IL2RA: variants seen among roughly 807,000 people sequenced by gnomAD.
The protein encoded by IL2RA is interleukin 2 receptor subunit alpha, also known as interleukin-2 receptor subunit alpha.
In IL2RA, 24 loss-of-function variants were observed where a neutral mutation model predicts 37.8. That is an observed-to-expected ratio of 0.63 (90% CI 0.46 to 0.89). The LOEUF (loss-of-function observed/expected upper bound fraction) is 0.89, where lower values mean the gene tolerates loss of function less well. Ranked by LOEUF, IL2RA falls within the 40% of genes least tolerant of loss-of-function variation. IL2RA has a pLI of 0.00. For synonymous variants in IL2RA, 125 were observed against 114.6 expected (o/e 1.09, Z -0.58); for missense variants, 319 against 348.6 (o/e 0.92, Z 0.68).
At chr10:6,049,079 A>G (rs1839908293) in intron 1 of IL2RA, among the ~76,000 whole-genome samples, 1 of 152,240 alleles carries the variant, frequency 6.6e-6, no homozygotes, top group Non-Finnish European at 1.5e-5. Context: ...GGCTCACTCA[A>G]TTATGGAGGC....
At chr10:6,043,965 G>A (rs1042244860) in intron 1 of IL2RA, among the ~76,000 whole-genome samples, 1 of 152,192 alleles carries the variant, frequency 6.6e-6, no homozygotes, top group African/African-American at 2.4e-5. Flanking sequence ...GAAGTGATTA[G>A]TTCAGGGCCT....
chr10:6,023,062 A>C (rs1839414303), intron 3 of IL2RA, among the ~76,000 whole-genome samples: 1 of 152,242 alleles, frequency 6.6e-6, no homozygotes, highest in South Asian at 2.1e-4. Flanking sequence ...AAGTTTCCTC[A>C]TCTAATCTGG....
Position 6,025,798 on chromosome 10 carries a change from T to A in IL2RA, c.256+36A>T. On this transcript the variant is annotated intron_variant, in intron 2 of 7. Coordinates refer to ENST00000379959, the MANE Select transcript of IL2RA (RefSeq NM_000417.3). The surrounding 1 kb of genome is among the most constrained non-coding windows in gnomAD (Gnocchi z 4.4). ...GCTCTGTCTCACTCTTTGCTGCAGT[T>A]CTTTTGTTCTTGGTAGTCACAGAAG... 2 of 1,602,424 alleles carry A rather than the reference T, an allele frequency of 1.2e-6. No homozygotes were observed. Among genetic ancestry groups the A allele is most frequent in the Non-Finnish European group, 1.7e-6 (2 of 1,169,546 alleles).
chr10:6,062,188 G>T lies in IL2RA; in HGVS notation c.-37C>A. 1 of 1,581,636 alleles carries T rather than the reference G, an allele frequency of 6.3e-7. No homozygotes were observed. The highest frequency in any genetic ancestry group is 8.7e-7 in the Non-Finnish European group (1 of 1,150,598). On this transcript the variant is annotated 5_prime_UTR_variant, in exon 1 of 8. Coordinates refer to ENST00000379959, the MANE Select transcript of IL2RA (RefSeq NM_000417.3). Reference sequence around the variant, plus strand: ...TTGGGACCAGCCGGGGCAGTGAAGCGGAGGTCTTTCTCTGCAGAAGGCCCA... The same window carrying T: ...TTGGGACCAGCCGGGGCAGTGAAGCTGAGGTCTTTCTCTGCAGAAGGCCCA...
intron 1 of IL2RA, among the ~76,000 whole-genome samples, chr10:6,038,463 C>A (rs1190596693): frequency 6.6e-6 from 1 of 152,184 alleles, no homozygotes; most frequent in African/African-American, 2.4e-5. Context: ...CAATGCTCAC[C>A]ATGGCTCTGG....
chr10:6,048,819 C>T lies in IL2RA; in HGVS notation c.64+13269G>A, dbSNP rs1392835023. ...CCCCTCTGGGATGTTCTGTTCCTTC[C>T]AGGACACAGTTTAAGCCCAGTGACA... On this transcript the variant is annotated intron_variant, in intron 1 of 7. Coordinates refer to ENST00000379959, the MANE Select transcript of IL2RA (RefSeq NM_000417.3). The surrounding 1 kb of genome is among the most constrained non-coding windows in gnomAD (Gnocchi z 5.3). Among the ~76,000 whole-genome samples the T allele has an allele frequency of 6.6e-6, 1 of 152,190 alleles. No homozygotes were observed. The highest frequency in any genetic ancestry group is 1.5e-5 in the Non-Finnish European group (1 of 68,026).
chr10:6,042,908 G>T (rs1839793619), intron 1 of IL2RA, among the ~76,000 whole-genome samples: 2 of 152,184 alleles, frequency 1.3e-5, no homozygotes, highest in African/African-American at 4.8e-5. Context: ...TTCATAAATT[G>T]CTGATGAGGA....
At chr10:6,037,099 A>C (rs1839697088) in intron 1 of IL2RA, among the ~76,000 whole-genome samples, 1 of 152,168 alleles carries the variant, frequency 6.6e-6, no homozygotes, top group African/African-American at 2.4e-5. Flanking sequence ...CCATCCCTCC[A>C]GTGCACAGTG....
Position 6,014,889 on chromosome 10 carries a change from A to G in IL2RA, c.795-1993T>C, listed in dbSNP as rs1364662179. Reference sequence around the variant, plus strand: ...GATGACCCATATAAGAAGGGAAGAGATATTTTATTTTTCTCTCTGGCTGGG... The same window carrying G: ...GATGACCCATATAAGAAGGGAAGAGGTATTTTATTTTTCTCTCTGGCTGGG... On this transcript the variant is annotated intron_variant, in intron 7 of 7. Transcript: ENST00000379959. This position sits in a 1 kb window ranked among gnomAD's most constrained non-coding sequence, Gnocchi z 4.4. 6.6e-6 allele frequency among the ~76,000 whole-genome samples: 1 copy of G among 151,788 alleles called. No individual in the cohort carries two copies. The highest frequency in any genetic ancestry group is 6.6e-5 in the Admixed American group (1 of 15,234).
At chr10:6,024,138 G>A in intron 3 of IL2RA, 106 bp downstream of exon 3, 1 of 770,246 alleles carries the variant, frequency 1.3e-6, no homozygotes, top group Non-Finnish European at 2.3e-6. Context: ...ACATGCATGT[G>A]TTTATAGAAG....
chr10:6,059,003 T>C (rs1840087193), intron 1 of IL2RA, among the ~76,000 whole-genome samples: 2 of 152,254 alleles, frequency 1.3e-5, no homozygotes, highest in Admixed American at 1.3e-4. Context: ...ACAGTCTGAT[T>C]TCATTAGAGA....
At chr10:6,059,966 T>C (rs746305251) in intron 1 of IL2RA, among the ~76,000 whole-genome samples, 1 of 152,094 alleles carries the variant, frequency 6.6e-6, no homozygotes, top group East Asian at 1.9e-4. Flanking sequence ...GAGGGGCAGA[T>C]GGGGTATGGA....
At chr10:6,024,136 G>A in intron 3 of IL2RA, 108 bp downstream of exon 3, 1 of 760,070 alleles carries the variant, frequency 1.3e-6, no homozygotes. Flanking sequence ...CCACATGCAT[G>A]TGTTTATAGA....
rs929482812 is a variant in IL2RA at position 6,024,365 on chromosome 10, T to C, written c.257-11A>G. The C allele has an allele frequency of 3.9e-6, 6 of 1,557,632 alleles. No homozygotes were observed. The highest frequency in any genetic ancestry group is 5.3e-6 in the Non-Finnish European group (6 of 1,128,432). On this transcript the variant is annotated splice_polypyrimidine_tract_variant and intron_variant, in intron 2 of 7. Transcript: ENST00000379959. ...TTGTGTTCCGAGTGGCTAGAAAATA[T>C]AGATGGAATGATGCAGATAATTTCA...
At chr10:6,013,022 G>A (rs1011955091) in intron 7 of IL2RA, 126 bp from the exon 8 acceptor site, 2 of 873,000 alleles carry the variant, frequency 2.3e-6, no homozygotes, top group African/African-American at 3.3e-5. Context: ...TAGAGATGGG[G>A]TTTTGCTATG....
intron 2 of IL2RA, among the ~76,000 whole-genome samples, chr10:6,024,693 A>G (rs754517384): frequency 3.9e-5 from 6 of 152,184 alleles, no homozygotes; most frequent in Non-Finnish European, 7.4e-5. Context: ...TCTCACCAAA[A>G]GGGACTCCTT....
chr10:6,019,120 T>G (rs1839331912), intron 6 of IL2RA, among the ~76,000 whole-genome samples: 1 of 142,652 alleles, frequency 7.0e-6, no homozygotes, highest in African/African-American at 2.6e-5. Context: ...ACCTATCAAC[T>G]TGCCAACCAA....
intron 1 of IL2RA, among the ~76,000 whole-genome samples, chr10:6,053,906 G>A (rs1349800513): frequency 2.6e-5 from 4 of 152,214 alleles, no homozygotes; most frequent in Non-Finnish European, 5.9e-5. Context: ...TGCATACAGC[G>A]TGGGAGGAAA....
intron 1 of IL2RA, among the ~76,000 whole-genome samples, chr10:6,043,103 T>C (rs1249337432): frequency 6.6e-6 from 1 of 152,160 alleles, no homozygotes; most frequent in East Asian, 1.9e-4. Context: ...TCAGATACAA[T>C]CTAATTGTCC....
Sources: gnomAD v4.1 joint callset for allele counts (sites outside exome capture counted in the v4.1 genomes callset) on GRCh38, gnomAD v4.1.1 for gene constraint, Gnocchi (gnomAD v3.1) non-coding constraint, MANE v1.5 for transcripts, NCBI Gene and HGNC (gene_info 2026-07-23, HGNC 2026-07-21) for gene names.